VPS13A: variants seen among roughly 807,000 people sequenced by gnomAD.
VPS13A encodes the protein vacuolar protein sorting 13 homolog A, also known as intermembrane lipid transfer protein VPS13A.
VPS13A carries 264 observed loss-of-function variants against 390.9 expected under a neutral mutation model. That is an observed-to-expected ratio of 0.68 (90% CI 0.61 to 0.75). VPS13A has a LOEUF of 0.75. VPS13A is among the 30% of genes least tolerant of loss of function. The pLI is 0.00. For missense variants in VPS13A, 3,409 were observed against 3,733.9 expected, an observed-to-expected ratio of 0.91 and a Z score of 2.27; for synonymous variants, 1,231 against 1,227.1, an observed-to-expected ratio of 1.00 and a Z score of -0.07.
chr9:77,307,867 C>A, intron 34 of VPS13A, 78 bp from the exon 35 acceptor site: 1 of 1,198,862 alleles, frequency 8.3e-7, no homozygotes, highest in Non-Finnish European at 1.2e-6. Context: ...CATTTTTCTC[C>A]TCTGAGAATT....
chr9:77,369,546 C>A (rs2131585713), intron 63 of VPS13A, 134 bp downstream of exon 63: 1 of 718,006 alleles, frequency 1.4e-6, no homozygotes, highest in Non-Finnish European at 2.5e-6. Context: ...CATTTTGCAG[C>A]AAACAATGGT....
chr9:77,212,419 T>C (rs1246559765), intron 7 of VPS13A, among the ~76,000 whole-genome samples: 1 of 152,150 alleles, frequency 6.6e-6, no homozygotes, highest in East Asian at 1.9e-4. Flanking sequence ...TTACATGTTA[T>C]ATATTAGGTT....
intron 31 of VPS13A, among the ~76,000 whole-genome samples, chr9:77,287,240 C>T (rs925074017): frequency 4.0e-5 from 6 of 150,832 alleles, no homozygotes; most frequent in Non-Finnish European, 8.9e-5. Context: ...CTCTCTCTCT[C>T]TCTCTCTCTG....
intron 33 of VPS13A, among the ~76,000 whole-genome samples, chr9:77,302,140 T>C (rs1368968695): frequency 6.6e-6 from 1 of 151,924 alleles, no homozygotes; most frequent in East Asian, 1.9e-4. Flanking sequence ...GTATTTTTAG[T>C]AGAGATGGGA....
chr9:77,275,444 C>T (rs1044571472), intron 24 of VPS13A, 54 bp from the exon 25 acceptor site: 3 of 1,520,360 alleles, frequency 2.0e-6, no homozygotes, highest in African/African-American at 2.7e-5. Flanking sequence ...TATTGAAATA[C>T]TGTTAAATTG....
chr9:77,188,883 T>A (rs796248290), intron 1 of VPS13A, among the ~76,000 whole-genome samples: 3 of 152,274 alleles, frequency 2.0e-5, no homozygotes, highest in African/African-American at 7.2e-5. Context: ...GTTGAGTTTT[T>A]TTTTTCCATG....
Position 77,279,007 on chromosome 9 carries a change from G to C in VPS13A, c.2825-1152G>C, listed in dbSNP as rs1268441335. On this transcript the variant is annotated intron_variant, in intron 26 of 71. Transcript: ENST00000360280. ...CCCAGGACAGCATCTAGGGGTAGGTGTCTACAACCCCTGAAGCCCAAGGGG... is the reference window on the plus strand; with the variant it reads ...CCCAGGACAGCATCTAGGGGTAGGTCTCTACAACCCCTGAAGCCCAAGGGG... 2.6e-5 allele frequency among the ~76,000 whole-genome samples: 4 copies of C among 152,314 alleles called. No homozygotes were observed. In the South Asian group the frequency reaches 8.3e-4, roughly 32 times the overall value.
chr9:77,188,007 G>A (rs576648733), intron 1 of VPS13A, among the ~76,000 whole-genome samples: 5 of 152,240 alleles, frequency 3.3e-5, no homozygotes, highest in African/African-American at 1.2e-4. Context: ...CTGGTGGGAG[G>A]CAGTTGGGTC....
rs1221392660 is a variant in VPS13A, at chr9:77,363,396, TTTTTTTTA to T, written c.8212-2056_8212-2049del. ...GATATGTTTTATTACATTAATTTTT[TTTTTTTTA>T]TTTTTTTTTTTTTTTGAGACCTAGG... On this transcript the variant is annotated intron_variant, in intron 59 of 71. Transcript: ENST00000360280. 6.2e-4 allele frequency among the ~76,000 whole-genome samples: 57 copies of T among 92,118 alleles called. 1 individual carries two copies. Among genetic ancestry groups the T allele is most frequent in the African/African-American group, 1.2e-3 (21 of 18,238 alleles). The allele number at this position is 92,118 out of a possible 152,430, so 60.4% of individuals were successfully genotyped here. A position where few individuals can be genotyped will look rare whatever the true frequency, so the allele number is the denominator to read the frequency against.
At chr9:77,295,018 T>C (rs1827898021) in intron 32 of VPS13A, among the ~76,000 whole-genome samples, 1 of 152,082 alleles carries the variant, frequency 6.6e-6, no homozygotes, top group Non-Finnish European at 1.5e-5. Context: ...TGAGCCCTCT[T>C]GTACTTATAC....
chr9:77,407,110 ATG>A (rs1227058061), intron 70 of VPS13A, among the ~76,000 whole-genome samples: 1 of 152,212 alleles, frequency 6.6e-6, no homozygotes. Context: ...CAATATATGT[ATG>A]TGTTTATGTA....
chr9:77,357,849 C>T lies in VPS13A; in HGVS notation c.7953+11C>T. 6.2e-7 allele frequency: 1 copy of T among 1,606,592 alleles called. No homozygotes were observed. Among genetic ancestry groups the T allele is most frequent in the Non-Finnish European group, 8.5e-7 (1 of 1,176,638 alleles). ...ATTTACAGAATACAGGTAAGTCTTT[C>T]TGAAAATATAGGCAAAATTGTATTC... is the stretch of plus-strand genomic sequence containing the variant. On this transcript the variant is annotated intron_variant, in intron 56 of 71. Transcript: ENST00000360280.
chr9:77,249,707 CTT>C (rs1825044546), intron 20 of VPS13A, among the ~76,000 whole-genome samples: 1 of 152,132 alleles, frequency 6.6e-6, no homozygotes, highest in African/African-American at 2.4e-5. Flanking sequence ...ATTCTGGACT[CTT>C]TTACTTCTTA....
chr9:77,265,425 G>T (rs561924910), intron 23 of VPS13A, among the ~76,000 whole-genome samples: 1 of 152,034 alleles, frequency 6.6e-6, no homozygotes, highest in African/African-American at 2.4e-5. Flanking sequence ...CTATCTGGTC[G>T]TGGGCTTTTT....
intron 52 of VPS13A, among the ~76,000 whole-genome samples, chr9:77,348,830 G>A (rs936112534): frequency 6.6e-6 from 1 of 152,088 alleles, no homozygotes; most frequent in African/African-American, 2.4e-5. Flanking sequence ...AATTTTCATT[G>A]CCTGTCCCAG....
At chr9:77,377,201 CTGT>C (rs1833131042) in intron 67 of VPS13A, among the ~76,000 whole-genome samples, 1 of 108,272 alleles carries the variant, frequency 9.2e-6, no homozygotes. Flanking sequence ...ATTTTTGATG[CTGT>C]TTTTTTTTTT....
chr9:77,265,060 G>T lies in VPS13A; in HGVS notation c.2427+4836G>T, dbSNP rs556522128. ...CCGCATCTATTGAGGTAATCGTGTG[G>T]TTTTTGTCACTGGTTCAGTTTATGT... On this transcript the variant is annotated intron_variant, in intron 23 of 71. Coordinates refer to ENST00000360280, the MANE Select transcript of VPS13A (RefSeq NM_033305.3). 1.4e-4 allele frequency among the ~76,000 whole-genome samples: 21 copies of T among 152,296 alleles called. No individual in the cohort carries two copies. In the South Asian group the frequency reaches 4.1e-3, roughly 30 times the overall value.
In VPS13A at chr9:77,221,269, T is replaced by C. The variant is rs1300801498; in HGVS notation, c.1074T>C (p.His358=). The C allele has an allele frequency of 5.6e-6, 9 of 1,613,290 alleles. No homozygotes were observed. Among genetic ancestry groups the C allele is most frequent in the African/African-American group, 2.7e-5 (2 of 74,850 alleles). The change falls in exon 13 of 72, where the codon CAT becomes CAC. Residue 358 remains histidine (H), a synonymous_variant. Coordinates refer to ENST00000360280, the MANE Select transcript of VPS13A (RefSeq NM_033305.3). ...WMWSWKHIRK[H]RQKVKQYKEL... ...GGTCATGGAAGCATATTAGAAAACA[T>C]AGGCAAAAAGTGAAGCAATATAAAG...
chr9:77,354,817 A>G (rs1347192947), intron 54 of VPS13A, among the ~76,000 whole-genome samples: 1 of 152,134 alleles, frequency 6.6e-6, no homozygotes, highest in East Asian at 1.9e-4. Context: ...CCAATATCAC[A>G]GCTTGCTATC....
Sources: gnomAD v4.1 joint callset for allele counts (sites outside exome capture counted in the v4.1 genomes callset) on GRCh38, gnomAD v4.1.1 for gene constraint, MANE v1.5 for transcripts, NCBI Gene and HGNC (gene_info 2026-07-23, HGNC 2026-07-21) for gene names.